Variants in KCNIP1 observed in about 807,000 individuals in gnomAD.
KCNIP1 encodes the protein A-type potassium channel modulatory protein KCNIP1.
In KCNIP1, 18 loss-of-function variants were observed where a neutral mutation model predicts 33.0. That is an observed-to-expected ratio of 0.55 (90% CI 0.38 to 0.81). KCNIP1 has a LOEUF of 0.81. Among genes scored for constraint, KCNIP1 ranks in the 30% least tolerant of loss-of-function variants. KCNIP1 has a pLI of 0.00. For synonymous variants in KCNIP1, 93 were observed against 98.3 expected (o/e 0.95, Z 0.32); for missense variants, 238 against 271.6 (o/e 0.88, Z 0.87).
chr5:170,630,610 T>A (rs531186466), intron 1 of KCNIP1, among the ~76,000 whole-genome samples: 16 of 152,208 alleles, frequency 1.1e-4, no homozygotes, highest in African/African-American at 3.9e-4. Context: ...GAGAGGATCC[T>A]GGGAAAGAGA....
chr5:170,489,697 G>GA lies in KCNIP1; in HGVS notation c.88+135739dup, dbSNP rs1329540833. On this transcript the variant is annotated intron_variant, in intron 1 of 7. Transcript: ENST00000377360. This position sits in a 1 kb window ranked among gnomAD's most constrained non-coding sequence, Gnocchi z 4.3. ...TACTCCTCTCCCATGAACAATTTGAGAAAAAATGGAGGCTCAGGGCAGAAG... is the reference window on the plus strand; with the variant it reads ...TACTCCTCTCCCATGAACAATTTGAGAAAAAAATGGAGGCTCAGGGCAGAAG... 6.6e-6 allele frequency among the ~76,000 whole-genome samples: 1 copy of GA among 152,180 alleles called. No homozygotes were observed. Among genetic ancestry groups the GA allele is most frequent in the Non-Finnish European group, 1.5e-5 (1 of 68,022 alleles).
intron 1 of KCNIP1, among the ~76,000 whole-genome samples, chr5:170,511,091 C>T (rs1371704958): frequency 6.6e-6 from 1 of 152,200 alleles, no homozygotes; most frequent in Admixed American, 6.5e-5. Flanking sequence ...CTCCTGTAAT[C>T]CCAGTCACTC....
At chr5:170,377,929 T>G (rs879313256) in intron 1 of KCNIP1, 1 of 152,112 alleles carries the variant, frequency 6.6e-6, no homozygotes, top group Admixed American at 6.5e-5. Context: ...GGAACCCAAC[T>G]CCGTCCCCAG....
intron 1 of KCNIP1, among the ~76,000 whole-genome samples, chr5:170,550,497 G>A (rs903005703): frequency 6.6e-6 from 1 of 151,796 alleles, no homozygotes; most frequent in African/African-American, 2.4e-5. Flanking sequence ...CAATGATGGT[G>A]ATGATGATGG....
intron 1 of KCNIP1, among the ~76,000 whole-genome samples, chr5:170,514,558 C>T (rs1290713019): frequency 3.9e-5 from 6 of 152,238 alleles, no homozygotes; most frequent in Non-Finnish European, 7.3e-5. Flanking sequence ...CCAAGGGCTA[C>T]ACAGGCATTT....
intron 1 of KCNIP1, among the ~76,000 whole-genome samples, chr5:170,520,754 G>C (rs565579337): frequency 1.3e-5 from 2 of 152,292 alleles, no homozygotes; most frequent in African/African-American, 4.8e-5. Context: ...TTCAGCAGCC[G>C]GACTCTGGGG....
In KCNIP1 at chr5:170,504,363, T is replaced by C; in HGVS notation, c.-210T>C. On this transcript the variant is annotated 5_prime_UTR_variant, in exon 1 of 8. Transcript: ENST00000328939. The surrounding 1 kb of genome is among the most constrained non-coding windows in gnomAD (Gnocchi z 6.0). ...GTTCCGAAGGCTCGCGGGGAGCGGC[T>C]AGCCCTGAGTCCCTGCATGTGCGGG... The C allele has an allele frequency of 2.8e-6, 4 of 1,415,184 alleles. No individual in the cohort carries two copies. Among genetic ancestry groups the C allele is most frequent in the East Asian group, 2.7e-5 (1 of 37,696 alleles). The allele number at this position is 1,415,184 out of a possible 1,614,324, so 87.7% of individuals were successfully genotyped here.
At chr5:170,488,300 A>T (rs985235588) in intron 1 of KCNIP1, among the ~76,000 whole-genome samples, 1 of 152,108 alleles carries the variant, frequency 6.6e-6, no homozygotes, top group East Asian at 1.9e-4. Context: ...AAGAGCCTTG[A>T]GATTAGGGCT....
At chr5:170,516,264 C>T (rs1480860326) in intron 1 of KCNIP1, among the ~76,000 whole-genome samples, 3 of 152,178 alleles carry the variant, frequency 2.0e-5, no homozygotes. Flanking sequence ...TTTGATTCCT[C>T]CTTCTCCTCT....
At chr5:170,711,427 A>T (rs1409381294) in intron 1 of KCNIP1, among the ~76,000 whole-genome samples, 2 of 152,222 alleles carry the variant, frequency 1.3e-5, no homozygotes, top group African/African-American at 2.4e-5. Flanking sequence ...CTATATTAAA[A>T]TGCTACCAAA....
At chr5:170,552,683 C>T (rs536730182) in intron 1 of KCNIP1, among the ~76,000 whole-genome samples, 2 of 152,298 alleles carry the variant, frequency 1.3e-5, no homozygotes, top group South Asian at 4.1e-4. Flanking sequence ...AAGGGCTAGA[C>T]CGCACAGGGC....
intron 1 of KCNIP1, among the ~76,000 whole-genome samples, chr5:170,636,810 T>C (rs1362830425): frequency 6.6e-6 from 1 of 152,154 alleles, no homozygotes; most frequent in East Asian, 1.9e-4. Context: ...CGAAGTGCTC[T>C]ACCCACATTA....
At chr5:170,715,207 A>G (rs1279308509) in intron 1 of KCNIP1, among the ~76,000 whole-genome samples, 1 of 152,238 alleles carries the variant, frequency 6.6e-6, no homozygotes, top group Non-Finnish European at 1.5e-5. Flanking sequence ...TTTATAGCCT[A>G]GGAGCAAAAG....
chr5:170,649,211 T>G (rs995629936), intron 1 of KCNIP1, among the ~76,000 whole-genome samples: 1 of 152,174 alleles, frequency 6.6e-6, no homozygotes, highest in East Asian at 1.9e-4. Flanking sequence ...GCAAAAACAT[T>G]TGTTGCAGTA....
At chr5:170,462,998 A>G (rs1399201272) in intron 1 of KCNIP1, among the ~76,000 whole-genome samples, 1 of 152,160 alleles carries the variant, frequency 6.6e-6, no homozygotes, top group African/African-American at 2.4e-5. Context: ...TGAGGGATAA[A>G]AGACCACAAA....
chr5:170,405,264 G>C (rs184194024), intron 1 of KCNIP1, among the ~76,000 whole-genome samples: 1 of 151,506 alleles, frequency 6.6e-6, no homozygotes, highest in Admixed American at 6.6e-5. Flanking sequence ...GTGCAATCTC[G>C]GCATACTGTA....
chr5:170,355,551 C>T (rs1310791066), intron 1 of KCNIP1, among the ~76,000 whole-genome samples: 1 of 152,110 alleles, frequency 6.6e-6, no homozygotes, highest in Non-Finnish European at 1.5e-5. Flanking sequence ...ACACTGAGTG[C>T]TGAGATGGGG....
At chr5:170,409,231 T>A (rs1232361008) in intron 1 of KCNIP1, among the ~76,000 whole-genome samples, 1 of 152,202 alleles carries the variant, frequency 6.6e-6, no homozygotes, top group African/African-American at 2.4e-5. Flanking sequence ...AGTTGAAATC[T>A]CAAACTTGGC....
intron 1 of KCNIP1, among the ~76,000 whole-genome samples, chr5:170,548,227 CT>C (rs1321911244): frequency 3.3e-5 from 5 of 152,168 alleles, no homozygotes; most frequent in African/African-American, 9.7e-5. Flanking sequence ...GTTCAAACCT[CT>C]TTTATTTCAT....
Sources: gnomAD v4.1 joint callset for allele counts (sites outside exome capture counted in the v4.1 genomes callset) on GRCh38, gnomAD v4.1.1 for gene constraint, Gnocchi (gnomAD v3.1) non-coding constraint, MANE v1.5 for transcripts, NCBI Gene and HGNC (gene_info 2026-07-23, HGNC 2026-07-21) for gene names.